The following ARF3 variants were observed in gnomAD, a reference collection of about 807,000 sequenced individuals.
ARF3 encodes ADP-ribosylation factor 3.
Under a neutral mutation model 19.3 loss-of-function variants are expected in ARF3, and 5 were observed. The ratio of observed to expected loss-of-function variants is 0.26; its 90% confidence interval spans 0.14 to 0.54. The LOEUF (loss-of-function observed/expected upper bound fraction) is 0.54, where lower values mean the gene tolerates loss of function less well. Ranked by LOEUF, ARF3 falls within the 20% of genes least tolerant of loss-of-function variation. ARF3 has a pLI of 0.95. For missense variants in ARF3, 77 were observed against 234.2 expected (o/e 0.33, Z 4.38); for synonymous variants, 71 against 89.2 (o/e 0.80, Z 1.15).
intron 1 of ARF3, among the ~76,000 whole-genome samples, chr12:48,954,840 T>C (rs1158684239): frequency 6.6e-6 from 1 of 151,818 alleles, no homozygotes; most frequent in Non-Finnish European, 1.5e-5. Context: ...AGCAACACAG[T>C]GAGATCTCTA....
In ARF3 at chr12:48,955,459, T is replaced by A. The variant is rs1187695081; in HGVS notation, c.-94+1851A>T. 2.6e-5 allele frequency among the ~76,000 whole-genome samples: 4 copies of A among 152,320 alleles called. No individual in the cohort carries two copies. The South Asian group carries it at 8.3e-4, about 32-fold the overall frequency. On this transcript the variant is annotated intron_variant, in intron 1 of 4. Transcript: ENST00000256682. ...AGATAATGACTCTGTGTTCTAGTAATATTTTTCTTTTTGGGTCTTAAGTTT... is the reference window on the plus strand; with the variant it reads ...AGATAATGACTCTGTGTTCTAGTAAAATTTTTCTTTTTGGGTCTTAAGTTT...
At chr12:48,950,033 C>T (rs1031358789) in intron 1 of ARF3, among the ~76,000 whole-genome samples, 1 of 152,186 alleles carries the variant, frequency 6.6e-6, no homozygotes, top group African/African-American at 2.4e-5. Context: ...CAGTATCAAG[C>T]TGGTAAACTA....
chr12:48,955,642 A>C (rs924538401), intron 1 of ARF3: 1 of 152,214 alleles, frequency 6.6e-6, no homozygotes, highest in African/African-American at 2.4e-5. Flanking sequence ...CTACAGTTAG[A>C]AAGCTTGTTG....
chr12:48,938,741 T>C lies in ARF3; in HGVS notation c.*206A>G. On this transcript the variant is annotated 3_prime_UTR_variant, in exon 5 of 5. Transcript: ENST00000256682. ...AAATCCAGTAAATTGGAATGACTCA[T>C]CATCAGGACAGCAATTAGGGATTGG... 1 of 630,798 alleles carries C rather than the reference T, an allele frequency of 1.6e-6. No individual in the cohort carries two copies. The highest frequency in any genetic ancestry group is 2.0e-5 in the South Asian group (1 of 50,722). 39.1% of individuals were successfully genotyped at this position (630,798 alleles called of 1,614,324 possible).
Position 48,941,012 on chromosome 12 carries a change from T to C in ARF3, c.84A>G (p.Ala28=), listed in dbSNP as rs1360948324. 1 of 1,613,734 alleles carries C rather than the reference T, an allele frequency of 6.2e-7. No individual in the cohort carries two copies. The highest frequency in any genetic ancestry group is 8.5e-7 in the Non-Finnish European group (1 of 1,179,922). ...MRILMVGLDA[A]GKTTILYKLK... ...GCTTGTATAGGATGGTGGTCTTTCC[T>C]GCGGCATCCAGGCCCACCATCAGGA... is the stretch of plus-strand genomic sequence containing the variant. Residue 28 remains alanine, a synonymous_variant, in exon 2 of 5, where the codon GCA becomes GCG. Transcript: ENST00000256682.
chr12:48,938,892 G>A lies in ARF3; in HGVS notation c.*55C>T. On this transcript the variant is annotated 3_prime_UTR_variant, in exon 5 of 5. Coordinates refer to ENST00000256682, the MANE Select transcript of ARF3 (RefSeq NM_001659.3). ...GAGGAAGGGGTAGGACTGGGGCAGG[G>A]TGACAGTAGGTATGTCAGGGGTGGG... is the stretch of plus-strand genomic sequence containing the variant. 2 of 1,585,254 alleles carry A rather than the reference G, an allele frequency of 1.3e-6. No homozygotes were observed. The highest frequency in any genetic ancestry group is 1.3e-5 in the African/African-American group (1 of 74,618).
chr12:48,939,581 A>T lies in ARF3; in HGVS notation c.384+74T>A, dbSNP rs1290937137. The T allele has an allele frequency of 3.1e-6, 5 of 1,602,850 alleles. No individual in the cohort carries two copies. The Admixed American group carries it at 8.4e-5, about 27-fold the overall frequency. On this transcript the variant is annotated intron_variant, in intron 4 of 4. Transcript: ENST00000256682. This position sits in a 1 kb window ranked among gnomAD's most constrained non-coding sequence, Gnocchi z 4.8. The stretch of plus-strand genomic sequence containing the variant: ...AGCATACTAAAAGGGTTAACCATAT[A>T]ATAGGCCCAAGAGCCAACAATTTCC...
rs2228417 is a variant in ARF3, at chr12:48,940,016, G to A, written c.240C>T (p.His80=). The A allele has an allele frequency of 0.071, 114,694 of 1,613,860 alleles. 5,259 individuals carry two copies. Among genetic ancestry groups the A allele is most frequent in the South Asian group, 0.19 (17,310 of 91,054 alleles). ...GQDKIRPLWR[H]YFQNTQGLIF... ...GCATACCTTGGGTGTTCTGGAAGTA[G>A]TGTCTCCAGAGGGGTCGAATCTTGT... The change falls in exon 3 of 5, where the codon CAC becomes CAT. Residue 80 remains histidine, a synonymous_variant. Transcript: ENST00000256682.
chr12:48,948,110 C>A (rs61942169), intron 1 of ARF3, among the ~76,000 whole-genome samples: 49,222 of 150,604 alleles, frequency 0.33, 9,077 homozygotes, highest in Admixed American at 0.48. Context: ...GAGGCTGAGA[C>A]AAGAGAATCA....
chr12:48,947,451 C>T (rs1187611655), intron 1 of ARF3, among the ~76,000 whole-genome samples: 4 of 152,108 alleles, frequency 2.6e-5, no homozygotes, highest in Admixed American at 6.6e-5. Flanking sequence ...GGACTACAGG[C>T]GCATGCCACC....
chr12:48,937,334 G>C lies in ARF3; in HGVS notation c.*1613C>G, dbSNP rs1052241398. On this transcript the variant is annotated 3_prime_UTR_variant, in exon 5 of 5. Transcript: ENST00000256682. ...TTAGCAGGTTATGGGCAGCTGTCTC[G>C]GAGCTCAGGGCGCAGCCAGCACACA... 1 of 152,356 alleles carries C rather than the reference G, an allele frequency of 6.6e-6. No individual in the cohort carries two copies. The highest frequency in any genetic ancestry group is 1.9e-4 in the East Asian group (1 of 5,196). The allele number at this position is 152,356 out of a possible 1,614,324, so 9.4% of individuals were successfully genotyped here.
At chr12:48,956,852 G>T (rs150045894) in intron 1 of ARF3, 347 of 152,538 alleles carry the variant, frequency 2.3e-3, no homozygotes, top group African/African-American at 7.2e-3. Flanking sequence ...TGGGGGAGGG[G>T]GTGTAACCAC....
In ARF3 at chr12:48,942,999, C is replaced by T. The variant is rs536227616; in HGVS notation, c.-93-1811G>A. Among the ~76,000 whole-genome samples the T allele has an allele frequency of 3.7e-4, 57 of 152,192 alleles. 1 individual carries two copies. The highest frequency in any genetic ancestry group is 1.9e-3 in the South Asian group (9 of 4,808). On this transcript the variant is annotated intron_variant, in intron 1 of 4. Transcript: ENST00000256682. Reference sequence around the variant, plus strand: ...GCACACTCCTGTAGTCCCAGCTACTCGGAACGTTGAGGCAGGAGAATCACT... The same window carrying T: ...GCACACTCCTGTAGTCCCAGCTACTTGGAACGTTGAGGCAGGAGAATCACT...
At position 48,935,756 on chromosome 12, in the gene ARF3, G is replaced by GTCCAGA. The variant is rs1940132622; in HGVS notation, c.*3185_*3190dup. ...TCCTTCATGTTTATTCACTGCCAAA[G>GTCCAGA]TCCAGAACTAGACTAGTGAGGGGGT... is the stretch of plus-strand genomic sequence containing the variant. On this transcript the variant is annotated 3_prime_UTR_variant, in exon 5 of 5. Transcript: ENST00000256682. 6.6e-6 allele frequency: 1 copy of GTCCAGA among 152,054 alleles called. No homozygotes were observed. The highest frequency in any genetic ancestry group is 1.5e-5 in the Non-Finnish European group (1 of 67,982). The allele number at this position is 152,054 out of a possible 1,614,324, so 9.4% of individuals were successfully genotyped here.
intron 1 of ARF3, among the ~76,000 whole-genome samples, chr12:48,946,979 A>G (rs1482626154): frequency 6.6e-6 from 1 of 152,194 alleles, no homozygotes; most frequent in Non-Finnish European, 1.5e-5. Flanking sequence ...GGTCTCCCAA[A>G]CCCTCTGCTG....
At chr12:48,954,824 A>G (rs1412461420) in intron 1 of ARF3, among the ~76,000 whole-genome samples, 1 of 152,156 alleles carries the variant, frequency 6.6e-6, no homozygotes, top group Non-Finnish European at 1.5e-5. Flanking sequence ...GTTTGAGACC[A>G]GCCCTAGCAA....
chr12:48,944,133 CT>C (rs1439331823), intron 1 of ARF3, among the ~76,000 whole-genome samples: 1 of 152,254 alleles, frequency 6.6e-6, no homozygotes, highest in African/African-American at 2.4e-5. Flanking sequence ...CCAGATGACA[CT>C]TTGCTTTAAA....
At chr12:48,954,110 A>G (rs1305553089) in intron 1 of ARF3, among the ~76,000 whole-genome samples, 1 of 152,220 alleles carries the variant, frequency 6.6e-6, no homozygotes, top group Non-Finnish European at 1.5e-5. Context: ...GTGAACCATT[A>G]TCTCAGAGTC....
chr12:48,948,734 C>T (rs1940406614), intron 1 of ARF3, among the ~76,000 whole-genome samples: 1 of 151,912 alleles, frequency 6.6e-6, no homozygotes, highest in East Asian at 1.9e-4. Flanking sequence ...TTGCTTGAAC[C>T]CAGGAAGCAG....
Sources: gnomAD v4.1 joint callset for allele counts (sites outside exome capture counted in the v4.1 genomes callset) on GRCh38, gnomAD v4.1.1 for gene constraint, Gnocchi (gnomAD v3.1) non-coding constraint, MANE v1.5 for transcripts, NCBI Gene and HGNC (gene_info 2026-07-23, HGNC 2026-07-21) for gene names.